Variants in GPR155 observed in about 807,000 individuals in gnomAD.
GPR155 encodes the protein lysosomal cholesterol signaling protein.
A neutral mutation model predicts 93.1 loss-of-function variants in GPR155; 65 were observed. The observed-to-expected ratio is 0.70, with a 90% CI of 0.57 to 0.86. The LOEUF is 0.86. Ranked by LOEUF, GPR155 falls within the 40% of genes least tolerant of loss-of-function variation. The probability of loss-of-function intolerance (pLI) is 0.00; values close to 1 mark genes in which losing one functional copy is unlikely to be tolerated. For synonymous variants in GPR155, 319 were observed against 360.1 expected (o/e 0.89, Z 1.29); for missense variants, 838 against 1,034.8 (o/e 0.81, Z 2.61).
rs952004702 is a variant in GPR155, at chr2:174,470,571, A to G, written c.861-16T>C. 2.5e-6 allele frequency: 4 copies of G among 1,607,534 alleles called. No homozygotes were observed. The highest frequency in any genetic ancestry group is 1.7e-5 in the Admixed American group (1 of 59,254). On this transcript the variant is annotated splice_polypyrimidine_tract_variant and intron_variant, in intron 3 of 15. Coordinates refer to ENST00000392552, the MANE Select transcript of GPR155 (RefSeq NM_152529.7). The stretch of plus-strand genomic sequence containing the variant: ...CAGCACCAGACTGAAGAAAAAAGAA[A>G]AACATCATTTACCTGATATCAAAGC...
At chr2:174,457,248 G>A (rs1277180690) in intron 10 of GPR155, among the ~76,000 whole-genome samples, 1 of 152,222 alleles carries the variant, frequency 6.6e-6, no homozygotes, top group South Asian at 2.1e-4. Flanking sequence ...GGAGGTGGAA[G>A]CTGCAGTGTG....
At chr2:174,456,952 G>T (rs191705833) in intron 10 of GPR155, among the ~76,000 whole-genome samples, 7 of 152,256 alleles carry the variant, frequency 4.6e-5, no homozygotes, top group Admixed American at 3.9e-4. Flanking sequence ...GTTACTTCTG[G>T]AGTTAACAGG....
Position 174,468,808 on chromosome 2 carries a change from T to C in GPR155, c.1182+104A>G, listed in dbSNP as rs988136378. On this transcript the variant is annotated intron_variant, in intron 5 of 15. Coordinates refer to ENST00000392552, the MANE Select transcript of GPR155 (RefSeq NM_152529.7). ...ATATTTTATGGGCAGGCTTTAGCTT[T>C]CTTTATTTCATAAGAAACTAGATTT... The C allele has an allele frequency of 1.0e-5, 10 of 998,360 alleles. No individual in the cohort carries two copies. In the African/African-American group the frequency reaches 1.1e-4, roughly 11 times the overall value. 61.8% of individuals were successfully genotyped at this position (998,360 alleles called of 1,614,324 possible).
chr2:174,485,164 G>T (rs1452578135), intron 1 of GPR155, among the ~76,000 whole-genome samples: 1 of 152,210 alleles, frequency 6.6e-6, no homozygotes, highest in East Asian at 1.9e-4. Context: ...AAGATAAGTT[G>T]AATTTAATTT....
chr2:174,458,946 G>A (rs1219472479), intron 10 of GPR155, among the ~76,000 whole-genome samples: 14 of 152,020 alleles, frequency 9.2e-5, no homozygotes, highest in Non-Finnish European at 2.1e-4. Flanking sequence ...AAATTAGCCA[G>A]GCGTGGTGGC....
In GPR155 at chr2:174,432,858, G is replaced by A. The variant is rs2105649783; in HGVS notation, c.*3258C>T. On this transcript the variant is annotated 3_prime_UTR_variant, in exon 16 of 16. Transcript: ENST00000392552. ...GGTTCACTGCAAGCTCCGCCTTCCG[G>A]GTTCATGCCATTCTCCTGCCTCAGC... is the stretch of plus-strand genomic sequence containing the variant. 6.6e-6 allele frequency: 1 copy of A among 150,388 alleles called. No individual in the cohort carries two copies. Among genetic ancestry groups the A allele is most frequent in the South Asian group, 2.1e-4 (1 of 4,756 alleles). 9.3% of individuals were successfully genotyped at this position (150,388 alleles called of 1,614,324 possible). A position where few individuals can be genotyped will look rare whatever the true frequency, so the allele number is the denominator to read the frequency against.
chr2:174,448,800 G>A (rs1001670736), intron 11 of GPR155, among the ~76,000 whole-genome samples: 3 of 151,950 alleles, frequency 2.0e-5, no homozygotes, highest in African/African-American at 2.4e-5. Flanking sequence ...GCCTCCCAAA[G>A]TGCTGGGATT....
Position 174,461,594 on chromosome 2 carries a change from C to T in GPR155, c.1463G>A (p.Gly488Asp). 6.2e-7 allele frequency: 1 copy of T among 1,606,016 alleles called. No homozygotes were observed. The highest frequency in any genetic ancestry group is 1.1e-5 in the South Asian group (1 of 90,908). ...CAGAGAACTACCAACTTACCCCCAG[C>T]CAGATATTATGATTATTCCAACAGG... The part of the protein sequence containing the change: ...QIPVGIIIIS[G>D]WGIPALLVGV... Residue 488 changes from glycine to aspartate, a missense_variant, in exon 8 of 16, where the codon GGC becomes GAC. Around this residue, in one of 3 missense-constraint regions of GPR155, gnomAD observed 663 missense variants for 790.1 expected, o/e 0.84. Transcript: ENST00000392552.
chr2:174,440,152 A>G, intron 14 of GPR155, 117 bp from the exon 15 acceptor site: 1 of 728,332 alleles, frequency 1.4e-6, no homozygotes. Flanking sequence ...CAAAGCTGTC[A>G]TCTACAATAC....
At chr2:174,462,290 T>C (rs1687720383) in intron 7 of GPR155, among the ~76,000 whole-genome samples, 1 of 152,068 alleles carries the variant, frequency 6.6e-6, no homozygotes, top group Admixed American at 6.6e-5. Context: ...TTCATGTGTT[T>C]GGAATCTAAG....
Position 174,481,024 on chromosome 2 carries a change from C to A in GPR155, c.460+473G>T, listed in dbSNP as rs569204511. On this transcript the variant is annotated intron_variant, in intron 2 of 15. Transcript: ENST00000392552. ...GAACTCCTAGGCTCAAGTGATCTGC[C>A]CCCCTCGGCCTCCCAAAGTGCTGGG... Among the ~76,000 whole-genome samples, 56 of 152,208 alleles carry A rather than the reference C, an allele frequency of 3.7e-4. No homozygotes were observed. In the South Asian group the frequency reaches 0.011, roughly 31 times the overall value.
intron 10 of GPR155, among the ~76,000 whole-genome samples, chr2:174,459,308 GGGCCT>G (rs1203012414): frequency 1.3e-5 from 2 of 152,040 alleles, no homozygotes; most frequent in African/African-American, 4.8e-5. Context: ...TTCCTAGTTA[GGGCCT>G]TCCTTCAGTT....
chr2:174,445,013 C>T (rs1410155683), intron 13 of GPR155, 68 bp downstream of exon 13: 2 of 784,120 alleles, frequency 2.6e-6, no homozygotes, highest in Admixed American at 3.9e-5. Context: ...CCCCGCTTCC[C>T]CCGACCCCCT....
At chr2:174,445,788 C>T (rs2105677057) in intron 12 of GPR155, among the ~76,000 whole-genome samples, 1 of 152,010 alleles carries the variant, frequency 6.6e-6, no homozygotes, top group Non-Finnish European at 1.5e-5. Context: ...TTAATTTTCT[C>T]TATTTTGTAA....
intron 11 of GPR155, among the ~76,000 whole-genome samples, chr2:174,450,896 T>A (rs1234755226): frequency 6.6e-6 from 1 of 152,170 alleles, no homozygotes; most frequent in African/African-American, 2.4e-5. Context: ...TTGCTAAGTA[T>A]AAAGAAAGTA....
In GPR155 at chr2:174,435,926, A is replaced by C. The variant is rs998316072; in HGVS notation, c.*190T>G. On this transcript the variant is annotated 3_prime_UTR_variant, in exon 16 of 16. Coordinates refer to ENST00000392552, the MANE Select transcript of GPR155 (RefSeq NM_152529.7). The stretch of plus-strand genomic sequence containing the variant: ...TCTCTTTTTCCTAAGTCAGCTTCCT[A>C]TGTGTTTTACATACATGTAAAATCA... 1.8e-6 allele frequency: 1 copy of C among 556,774 alleles called. No homozygotes were observed. The highest frequency in any genetic ancestry group is 3.2e-6 in the Non-Finnish European group (1 of 312,630). 34.5% of individuals were successfully genotyped at this position (556,774 alleles called of 1,614,324 possible).
In GPR155 at chr2:174,433,648, A is replaced by G. The variant is rs1387238824; in HGVS notation, c.*2468T>C. On this transcript the variant is annotated 3_prime_UTR_variant, in exon 16 of 16. Coordinates refer to ENST00000392552, the MANE Select transcript of GPR155 (RefSeq NM_152529.7). ...GGGTGGAGCCTATTGAGTGGAATTA[A>G]TGTCCTTATAAGGGGCCAATGAGAC... 1.3e-5 allele frequency: 2 copies of G among 152,192 alleles called. No homozygotes were observed. Among genetic ancestry groups the G allele is most frequent in the African/African-American group, 4.8e-5 (2 of 41,452 alleles). The allele number at this position is 152,192 out of a possible 1,614,324, so 9.4% of individuals were successfully genotyped here.
At chr2:174,451,718 C>G (rs1016149595) in intron 11 of GPR155, among the ~76,000 whole-genome samples, 3 of 152,128 alleles carry the variant, frequency 2.0e-5, no homozygotes, top group Admixed American at 1.3e-4. Context: ...TGATCATGGC[C>G]TATTGCAGCT....
At chr2:174,452,113 G>A (rs572822042) in intron 11 of GPR155, among the ~76,000 whole-genome samples, 2 of 152,040 alleles carry the variant, frequency 1.3e-5, no homozygotes, top group South Asian at 4.2e-4. Flanking sequence ...GAAAACCTTG[G>A]GAATTCTGAT....
Sources: allele counts gnomAD v4.1 joint callset (sites outside exome capture counted in the v4.1 genomes callset), GRCh38; gene constraint gnomAD v4.1.1; regional missense constraint gnomAD v4.1.1; transcripts MANE v1.5; gene names NCBI Gene and HGNC (gene_info 2026-07-23, HGNC 2026-07-21).